TBC1D15: variants seen among roughly 807,000 people sequenced by gnomAD.
TBC1D15 encodes the protein GAP for RAB7.
In TBC1D15, 39 loss-of-function variants were observed where a neutral mutation model predicts 95.4. The ratio of observed to expected loss-of-function variants is 0.41; its 90% confidence interval spans 0.32 to 0.53. The LOEUF (loss-of-function observed/expected upper bound fraction) is 0.53, where lower values mean the gene tolerates loss of function less well. Among genes scored for constraint, TBC1D15 ranks in the 20% least tolerant of loss-of-function variants. TBC1D15 has a pLI of 0.29. For missense variants in TBC1D15, 733 were observed against 794.3 expected (o/e 0.92, Z 0.93); for synonymous variants, 258 against 261.3 (o/e 0.99, Z 0.12).
At position 71,895,986 on chromosome 12, in the gene TBC1D15, C is replaced by G; in HGVS notation, c.895C>G (p.Pro299Ala). Residue 299 changes from proline to alanine, a missense_variant, in exon 8 of 17, where the codon CCG (proline) becomes GCG (alanine). Transcript: ENST00000485960. ...ACGCCCTGTTGTTCAAAGGAGAGAACCGGTATCACTGGAAGAATGGACTAA... is the reference window on the plus strand; with the variant it reads ...ACGCCCTGTTGTTCAAAGGAGAGAAGCGGTATCACTGGAAGAATGGACTAA... ...GERPVVQRRE[P>A]VSLEEWTKNI... is the part of the protein sequence containing the mutation. 1 of 1,612,398 alleles carries G rather than the reference C, an allele frequency of 6.2e-7. No homozygotes were observed. Among genetic ancestry groups the G allele is most frequent in the Non-Finnish European group, 8.5e-7 (1 of 1,178,942 alleles).
At chr12:71,899,172 G>A (rs1348988895) in intron 10 of TBC1D15, among the ~76,000 whole-genome samples, 1 of 152,070 alleles carries the variant, frequency 6.6e-6, no homozygotes, top group African/African-American at 2.4e-5. Context: ...TTATATCAAG[G>A]ATCAATGTTG....
intron 1 of TBC1D15, among the ~76,000 whole-genome samples, chr12:71,844,401 G>C (rs959869881): frequency 6.6e-6 from 1 of 152,204 alleles, no homozygotes; most frequent in African/African-American, 2.4e-5. Flanking sequence ...CAATCATGCA[G>C]TGAACTACTG....
rs1380773933 is a variant in TBC1D15, at chr12:71,917,703, G to C, written c.1407G>C (p.Gln469His). ...CFASYMDQMHQNFEEQMQGMK... is the reference protein window; with the variant it reads ...CFASYMDQMHHNFEEQMQGMK... ...ACAATTATTTCCTTTTAAAGCATCAGAATTTTGAAGAACAAATGCAAGGCA... is the reference window on the plus strand; with the variant it reads ...ACAATTATTTCCTTTTAAAGCATCACAATTTTGAAGAACAAATGCAAGGCA... The change falls in exon 13 of 17, where the codon CAG (glutamine) becomes CAC (histidine). Residue 469 changes from glutamine (Q) to histidine (H), a missense_variant. By Grantham distance (24) the Gln-to-His change is conservative. Coordinates refer to ENST00000485960, the MANE Select transcript of TBC1D15 (RefSeq NM_001146213.3). 1 of 1,605,334 alleles carries C rather than the reference G, an allele frequency of 6.2e-7. No homozygotes were observed. The highest frequency in any genetic ancestry group is 1.7e-5 in the Admixed American group (1 of 59,880).
At chr12:71,845,568 G>A (rs781713103) in intron 1 of TBC1D15, among the ~76,000 whole-genome samples, 5 of 152,218 alleles carry the variant, frequency 3.3e-5, no homozygotes, top group Non-Finnish European at 1.5e-5. Context: ...TACCAAGTAG[G>A]TGCTTAGATA....
intron 1 of TBC1D15, among the ~76,000 whole-genome samples, chr12:71,859,165 A>T (rs933421950): frequency 1.3e-5 from 2 of 151,976 alleles, no homozygotes; most frequent in Non-Finnish European, 2.9e-5. Context: ...GTAGATACAG[A>T]GTTTATTTGG....
At chr12:71,911,792 T>TA (rs988333018) in intron 11 of TBC1D15, among the ~76,000 whole-genome samples, 1 of 143,568 alleles carries the variant, frequency 7.0e-6, no homozygotes, top group African/African-American at 2.6e-5. Flanking sequence ...ACTGTAAAAA[T>TA]AAAAAAAATA....
At position 71,889,584 on chromosome 12, in the gene TBC1D15, A is replaced by G. The variant is rs1324050079; in HGVS notation, c.555-3638A>G. The stretch of plus-strand genomic sequence containing the variant: ...CTATTCCAAGTAAATATTCACCAGT[A>G]TTTAAAAAGTCCCAAATTTATATAA... On this transcript the variant is annotated intron_variant, in intron 5 of 16. Transcript: ENST00000485960. Among the ~76,000 whole-genome samples, 5 of 152,226 alleles carry G rather than the reference A, an allele frequency of 3.3e-5. No homozygotes were observed. In the East Asian group the frequency reaches 9.6e-4, roughly 29 times the overall value.
chr12:71,856,852 T>A (rs1273628421), intron 1 of TBC1D15, among the ~76,000 whole-genome samples: 1 of 152,158 alleles, frequency 6.6e-6, no homozygotes, highest in Non-Finnish European at 1.5e-5. Flanking sequence ...TTTGGGCAAA[T>A]AAAACTTGTA....
At chr12:71,911,015 C>G (rs867213654) in intron 11 of TBC1D15, among the ~76,000 whole-genome samples, 1 of 151,984 alleles carries the variant, frequency 6.6e-6, no homozygotes, top group Non-Finnish European at 1.5e-5. Flanking sequence ...AAAAAACACA[C>G]GAAAAAATGC....
chr12:71,911,201 G>A (rs1368004181), intron 11 of TBC1D15, among the ~76,000 whole-genome samples: 1 of 152,110 alleles, frequency 6.6e-6, no homozygotes. Flanking sequence ...CAACCATTGT[G>A]GAAGTCAGTG....
rs188603439 is a variant in TBC1D15, at chr12:71,859,811, A to G, written c.31-12259A>G. 6.3e-3 allele frequency among the ~76,000 whole-genome samples: 959 copies of G among 152,194 alleles called. 14 individuals carry two copies. The highest frequency in any genetic ancestry group is 8.1e-3 in the Non-Finnish European group (549 of 68,010). ...TTTTTAGTAGAGATGGGGTTTCACC[A>G]TGTTGGCCAGGCTGGTCTTGAACTC... is the stretch of plus-strand genomic sequence containing the variant. On this transcript the variant is annotated intron_variant, in intron 1 of 16. Transcript: ENST00000485960.
intron 7 of TBC1D15, among the ~76,000 whole-genome samples, chr12:71,895,224 C>G (rs573633707): frequency 6.6e-6 from 1 of 152,168 alleles, no homozygotes; most frequent in Non-Finnish European, 1.5e-5. Context: ...GCATCAGAGA[C>G]AGCTAGTCAG....
chr12:71,851,074 G>A (rs1368668050), intron 1 of TBC1D15, among the ~76,000 whole-genome samples: 1 of 151,824 alleles, frequency 6.6e-6, no homozygotes, highest in Non-Finnish European at 1.5e-5. Flanking sequence ...AGTTTTACAG[G>A]CTGTACAGGA....
chr12:71,869,918 A>G (rs1216683988), intron 1 of TBC1D15, among the ~76,000 whole-genome samples: 2 of 152,222 alleles, frequency 1.3e-5, no homozygotes, highest in African/African-American at 2.4e-5. Flanking sequence ...CAAATAAGTC[A>G]GAGGCATTAA....
At chr12:71,880,716 T>C (rs1894968061) in intron 4 of TBC1D15, 109 bp downstream of exon 4, 2 of 1,265,244 alleles carry the variant, frequency 1.6e-6, no homozygotes, top group South Asian at 4.0e-5. Flanking sequence ...ATGATTAATT[T>C]CTTTGGTTAA....
chr12:71,865,090 G>A (rs899860760), intron 1 of TBC1D15, among the ~76,000 whole-genome samples: 21 of 152,206 alleles, frequency 1.4e-4, no homozygotes, highest in African/African-American at 5.1e-4. Context: ...CCCATAAGCA[G>A]CTGCAGTGGC....
intron 1 of TBC1D15, among the ~76,000 whole-genome samples, chr12:71,857,976 A>G (rs1889481657): frequency 6.6e-6 from 1 of 152,132 alleles, no homozygotes; most frequent in African/African-American, 2.4e-5. Flanking sequence ...TACTTAACAT[A>G]TATCCTCAAT....
chr12:71,858,850 C>T (rs1565957165), intron 1 of TBC1D15, among the ~76,000 whole-genome samples: 1 of 152,066 alleles, frequency 6.6e-6, no homozygotes, highest in South Asian at 2.1e-4. Flanking sequence ...AGCCATCATG[C>T]CTGGCCACTG....
chr12:71,913,959 T>C (rs1217795514), intron 12 of TBC1D15, 33 bp downstream of exon 12: 1 of 1,476,298 alleles, frequency 6.8e-7, no homozygotes, highest in Non-Finnish European at 9.2e-7. Flanking sequence ...TTAAACTGAT[T>C]TTTAAAATTT....
Sources: allele counts gnomAD v4.1 joint callset (sites outside exome capture counted in the v4.1 genomes callset), GRCh38; gene constraint gnomAD v4.1.1; transcripts MANE v1.5; gene names NCBI Gene and HGNC (gene_info 2026-07-23, HGNC 2026-07-21).